CWC27: variants seen among roughly 807,000 people sequenced by gnomAD.
CWC27 encodes the protein spliceosome-associated protein CWC27 homolog.
CWC27 carries 47 observed loss-of-function variants against 63.6 expected under a neutral mutation model. The observed-to-expected ratio is 0.74, with a 90% confidence interval of 0.58 to 0.94. The LOEUF (loss-of-function observed/expected upper bound fraction) is 0.94. Ranked by LOEUF, CWC27 falls within the 40% of genes least tolerant of loss-of-function variation. The pLI is 0.00. For missense variants in CWC27, 495 were observed against 554.3 expected, an observed-to-expected ratio of 0.89 and a Z score of 1.07; for synonymous variants, 175 against 179.8, an observed-to-expected ratio of 0.97 and a Z score of 0.22.
chr5:64,971,578 A>C, intron 11 of CWC27, 125 bp from the exon 12 acceptor site: 1 of 610,416 alleles, frequency 1.6e-6, no homozygotes, highest in Non-Finnish European at 2.7e-6. Context: ...TTTTCTTTTG[A>C]AATTAAATGG....
chr5:64,877,771 G>A (rs553823661), intron 10 of CWC27, among the ~76,000 whole-genome samples: 1 of 152,074 alleles, frequency 6.6e-6, no homozygotes, highest in African/African-American at 2.4e-5. Flanking sequence ...CACTTATTAG[G>A]TGGTTAGCAG....
chr5:64,886,961 TAGA>T (rs1294916353), intron 11 of CWC27, among the ~76,000 whole-genome samples: 5 of 152,124 alleles, frequency 3.3e-5, no homozygotes, highest in African/African-American at 1.2e-4. Flanking sequence ...GTAATTTTCT[TAGA>T]AGACTGTTTC....
At chr5:64,777,372 G>A (rs1000184825) in intron 2 of CWC27, among the ~76,000 whole-genome samples, 3 of 152,026 alleles carry the variant, frequency 2.0e-5, no homozygotes, top group Non-Finnish European at 4.4e-5. Flanking sequence ...ACCAGATAGT[G>A]CAGACTGGTC....
At chr5:64,898,741 C>A (rs1747437834) in intron 11 of CWC27, among the ~76,000 whole-genome samples, 1 of 152,132 alleles carries the variant, frequency 6.6e-6, no homozygotes, top group Non-Finnish European at 1.5e-5. Context: ...TTCTCTCATG[C>A]AGAACAATTC....
At chr5:64,909,629 C>T (rs569521186) in intron 11 of CWC27, among the ~76,000 whole-genome samples, 3 of 152,184 alleles carry the variant, frequency 2.0e-5, no homozygotes, top group Non-Finnish European at 4.4e-5. Flanking sequence ...AGGCTTTGTT[C>T]GTTTCTTTTT....
intron 10 of CWC27, among the ~76,000 whole-genome samples, chr5:64,865,063 T>C (rs1746502816): frequency 1.3e-5 from 2 of 151,996 alleles, no homozygotes; most frequent in African/African-American, 2.4e-5. Context: ...ATTCCACAAA[T>C]ATTTATTATG....
intron 11 of CWC27, among the ~76,000 whole-genome samples, chr5:64,952,935 C>T (rs1025609550): frequency 2.0e-5 from 3 of 152,094 alleles, no homozygotes; most frequent in African/African-American, 7.2e-5. Flanking sequence ...TAGAAAACAA[C>T]ATCAAAAATA....
chr5:64,780,489 G>A (rs1743632581), intron 2 of CWC27, among the ~76,000 whole-genome samples: 2 of 148,472 alleles, frequency 1.3e-5, no homozygotes, highest in Admixed American at 6.8e-5. Flanking sequence ...ATAAATATAT[G>A]ATGTTTTGTA....
At chr5:64,799,967 AATT>A (rs1744431044) in intron 7 of CWC27, among the ~76,000 whole-genome samples, 2 of 152,224 alleles carry the variant, frequency 1.3e-5, no homozygotes, top group African/African-American at 4.8e-5. Context: ...ATAGTATGCA[AATT>A]ATTATGAGAA....
chr5:64,956,471 G>A (rs554876535), intron 11 of CWC27, among the ~76,000 whole-genome samples: 95 of 151,900 alleles, frequency 6.3e-4, no homozygotes, highest in African/African-American at 2.1e-3. Flanking sequence ...ATTATTTCTC[G>A]TTTACCTGCT....
intron 10 of CWC27, chr5:64,807,628 A>G: frequency 5.2e-6 from 8 of 1,535,312 alleles, no homozygotes; most frequent in Non-Finnish European, 7.0e-6. Flanking sequence ...TATCTTGACT[A>G]CTGGATACAG....
In CWC27 at chr5:64,781,925, T is replaced by C; in HGVS notation, c.144T>C (p.Tyr48=). The part of the protein sequence containing the change: ...RNFIQLCLEA[Y]YDNTIFHRVV... The stretch of plus-strand genomic sequence containing the variant: ...TTATTTTTATTTTTTTTTCAGCTTA[T>C]TATGACAATACCATTTTTCATAGAG... Residue 48 remains tyrosine (Y), a synonymous_variant, in exon 3 of 14, where the codon TAT becomes TAC. Transcript: ENST00000381070. The C allele has an allele frequency of 6.5e-7, 1 of 1,533,478 alleles. No homozygotes were observed. Among genetic ancestry groups the C allele is most frequent in the Non-Finnish European group, 9.0e-7 (1 of 1,115,474 alleles). The allele number at this position is 1,533,478 out of a possible 1,614,324, so 95.0% of individuals were successfully genotyped here.
chr5:64,928,936 ATCT>A (rs1228049135), intron 11 of CWC27, among the ~76,000 whole-genome samples: 2 of 152,014 alleles, frequency 1.3e-5, no homozygotes, highest in African/African-American at 4.8e-5. Flanking sequence ...CAGTAAACAA[ATCT>A]TGAACTTTTC....
chr5:64,904,781 T>C (rs73759632), intron 11 of CWC27, among the ~76,000 whole-genome samples: 1,643 of 152,294 alleles, frequency 0.011, 34 homozygotes, highest in African/African-American at 0.035. Flanking sequence ...AATGCAACCA[T>C]GACTCAGATA....
intron 11 of CWC27, among the ~76,000 whole-genome samples, chr5:64,948,817 A>T (rs2112422941): frequency 6.6e-6 from 1 of 152,074 alleles, no homozygotes; most frequent in East Asian, 1.9e-4. Flanking sequence ...ACTCTTCCTC[A>T]TTGAGGGAGG....
intron 6 of CWC27, among the ~76,000 whole-genome samples, chr5:64,787,061 G>A (rs1210495258): frequency 6.6e-6 from 1 of 152,088 alleles, no homozygotes; most frequent in African/African-American, 2.4e-5. Context: ...AAAACCATCA[G>A]ATCTTATGAG....
intron 11 of CWC27, among the ~76,000 whole-genome samples, chr5:64,948,452 A>T (rs1344701181): frequency 6.6e-6 from 1 of 151,886 alleles, no homozygotes; most frequent in African/African-American, 2.4e-5. Flanking sequence ...CCGTATATAT[A>T]TGTAGAGCTT....
intron 11 of CWC27, among the ~76,000 whole-genome samples, chr5:64,954,413 C>A (rs912140108): frequency 6.6e-6 from 1 of 151,996 alleles, no homozygotes; most frequent in Non-Finnish European, 1.5e-5. Flanking sequence ...CTCATCCTCC[C>A]AAGTAGCTAG....
At chr5:64,856,901 A>G (rs949603029) in intron 10 of CWC27, among the ~76,000 whole-genome samples, 3 of 152,212 alleles carry the variant, frequency 2.0e-5, no homozygotes, top group African/African-American at 7.2e-5. Flanking sequence ...GTGATGGACC[A>G]GATGTTGCTA....
Sources: gnomAD v4.1 joint callset for allele counts (sites outside exome capture counted in the v4.1 genomes callset) on GRCh38, gnomAD v4.1.1 for gene constraint, MANE v1.5 for transcripts, NCBI Gene and HGNC (gene_info 2026-07-23, HGNC 2026-07-21) for gene names.